The following CTBP2 variants were observed in gnomAD, a reference collection of about 807,000 sequenced individuals.
CTBP2 encodes C-terminal-binding protein 2.
In CTBP2, 30 loss-of-function variants were observed where a neutral mutation model predicts 80.3. The ratio of observed to expected loss-of-function variants is 0.37; its 90% CI spans 0.28 to 0.51. The LOEUF is 0.51. Among genes scored for constraint, CTBP2 ranks in the 20% least tolerant of loss-of-function variants. CTBP2 has a pLI of 0.93. For missense variants in CTBP2, 1,212 were observed against 1,375.3 expected (o/e 0.88, Z 1.88); for synonymous variants, 594 against 587.4 (o/e 1.01, Z -0.16).
At chr10:125,142,319 G>A (rs1857972890) in intron 1 of CTBP2, among the ~76,000 whole-genome samples, 1 of 152,166 alleles carries the variant, frequency 6.6e-6, no homozygotes, top group South Asian at 2.1e-4. Context: ...TGTGACCAGA[G>A]CACCCCTGGG....
chr10:125,161,334 G>A (rs868224972), upstream of CTBP2, among the ~76,000 whole-genome samples: 6 of 152,046 alleles, frequency 3.9e-5, no homozygotes, highest in Middle Eastern at 3.4e-3. Context: ...CGGTGGCTCG[G>A]GGTCCGCTGC....
At chr10:125,035,845 A>G (rs1184272416) in intron 3 of CTBP2, among the ~76,000 whole-genome samples, 2 of 152,232 alleles carry the variant, frequency 1.3e-5, no homozygotes. Flanking sequence ...GAAGATCTCC[A>G]TTATACTTGA....
intron 2 of CTBP2, among the ~76,000 whole-genome samples, chr10:125,106,559 C>T (rs922932912): frequency 3.3e-5 from 5 of 152,168 alleles, no homozygotes. Flanking sequence ...GAAAGAGAAG[C>T]GGACACCACG....
intron 3 of CTBP2, among the ~76,000 whole-genome samples, chr10:125,038,568 C>T (rs1959123398): frequency 6.6e-6 from 1 of 152,162 alleles, no homozygotes; most frequent in African/African-American, 2.4e-5. Flanking sequence ...GACATGAACA[C>T]ACCACGAGGG....
intron 1 of CTBP2, among the ~76,000 whole-genome samples, chr10:125,019,688 G>C (rs530564902): frequency 6.6e-6 from 1 of 152,310 alleles, no homozygotes; most frequent in South Asian, 2.1e-4. Context: ...CTCAATGTCA[G>C]AGCTAAAACT....
intron 7 of CTBP2, 46 bp from the exon 10 acceptor site, chr10:124,992,858 CA>C: frequency 6.9e-7 from 1 of 1,444,066 alleles, no homozygotes; most frequent in Non-Finnish European, 9.6e-7. Flanking sequence ...TTACAAATCA[CA>C]GTAAGTTCAA....
intron 1 of CTBP2, among the ~76,000 whole-genome samples, chr10:125,157,876 T>TG (rs1180872648): frequency 1.3e-5 from 2 of 152,130 alleles, no homozygotes; most frequent in African/African-American, 4.8e-5. Flanking sequence ...ACTTTTCTTT[T>TG]GGGGGCAATA....
At chr10:125,062,871 T>C (rs141467138) in intron 2 of CTBP2, among the ~76,000 whole-genome samples, 2,002 of 152,180 alleles carry the variant, frequency 0.013, 26 homozygotes, top group Non-Finnish European at 0.02. Flanking sequence ...AAAAATAAAA[T>C]AAAATAAAAA....
intron 2 of CTBP2, among the ~76,000 whole-genome samples, chr10:125,075,405 AG>A (rs1278134946): frequency 3.3e-5 from 5 of 152,216 alleles, no homozygotes; most frequent in Admixed American, 3.3e-4. Flanking sequence ...CCTTATAAAA[AG>A]GTGAATTTTA....
chr10:125,161,508 G>A (rs1240654212), upstream of CTBP2, among the ~76,000 whole-genome samples: 2 of 151,952 alleles, frequency 1.3e-5, no homozygotes, highest in African/African-American at 4.8e-5. Context: ...CTTCCTCCTG[G>A]TGCCCCGCAC....
At chr10:125,097,845 C>T (rs1214290600) in intron 2 of CTBP2, among the ~76,000 whole-genome samples, 1 of 152,156 alleles carries the variant, frequency 6.6e-6, no homozygotes, top group Non-Finnish European at 1.5e-5. Flanking sequence ...GGAGCAGTGG[C>T]TCACGCCTGT....
chr10:124,991,113 G>A (rs1952550388), intron 8 of CTBP2, among the ~76,000 whole-genome samples: 1 of 152,218 alleles, frequency 6.6e-6, no homozygotes, highest in South Asian at 2.1e-4. Flanking sequence ...TATATTGCAA[G>A]CACGAAGTGC....
intron 2 of CTBP2, among the ~76,000 whole-genome samples, chr10:125,079,208 C>T (rs1040884244): frequency 6.6e-6 from 1 of 150,462 alleles, no homozygotes; most frequent in Non-Finnish European, 1.5e-5. Context: ...CCACCAGGAG[C>T]TTTCGGGAGC....
intron 2 of CTBP2, among the ~76,000 whole-genome samples, chr10:125,054,923 G>C (rs1963569201): frequency 1.3e-5 from 2 of 152,154 alleles, no homozygotes; most frequent in African/African-American, 2.4e-5. Flanking sequence ...TGAAGGAACG[G>C]AAAGTCTGCT....
At chr10:125,116,755 G>C (rs572037852) in intron 1 of CTBP2, among the ~76,000 whole-genome samples, 1 of 152,164 alleles carries the variant, frequency 6.6e-6, no homozygotes, top group Admixed American at 6.5e-5. Context: ...TCCCTGAGCG[G>C]ATGGCATGGA....
intron 2 of CTBP2, among the ~76,000 whole-genome samples, chr10:125,062,003 C>G (rs138463969): frequency 2.6e-5 from 4 of 152,306 alleles, no homozygotes; most frequent in Middle Eastern, 3.4e-3. Flanking sequence ...GGGACCGAAG[C>G]CGGGTAGCCC....
At chr10:125,046,080 T>C (rs1302637843) in intron 2 of CTBP2, among the ~76,000 whole-genome samples, 3 of 151,706 alleles carry the variant, frequency 2.0e-5, no homozygotes, top group Non-Finnish European at 2.9e-5. Context: ...AAAAAAAAAA[T>C]ACATGGCTTC....
intron 2 of CTBP2, among the ~76,000 whole-genome samples, chr10:125,070,078 C>T (rs1021201950): frequency 3.3e-5 from 5 of 151,654 alleles, no homozygotes; most frequent in African/African-American, 7.3e-5. Flanking sequence ...CGGCTGGGCA[C>T]GGGTGGCTCA....
Position 124,993,242 on chromosome 10 carries a change from C to G in CTBP2, c.2619G>C (p.Met873Ile). The G allele has an allele frequency of 1.9e-6, 3 of 1,599,852 alleles. No individual in the cohort carries two copies. Among genetic ancestry groups the G allele is most frequent in the Non-Finnish European group, 2.6e-6 (3 of 1,169,222 alleles). ...GGATCTCGGTGGCAGCTGCCTCCCT[C>G]ATCTCCAGTGACGCCTGCTCACTGT... is the stretch of plus-strand genomic sequence containing the variant. Residue 873 changes from methionine to isoleucine, a missense_variant, in exon 7 of 9, where the codon ATG becomes ATC. This residue lies in a region of CTBP2 where 335 missense variants were observed against 504.7 expected (regional missense o/e 0.66). Coordinates refer to ENST00000309035, the MANE Select transcript of CTBP2 (RefSeq NM_022802.3).
Sources: gnomAD v4.1 joint callset for allele counts (sites outside exome capture counted in the v4.1 genomes callset) on GRCh38, gnomAD v4.1.1 for gene constraint, gnomAD v4.1.1 regional missense constraint, MANE v1.5 for transcripts, NCBI Gene and HGNC (gene_info 2026-07-23, HGNC 2026-07-21) for gene names.